Variants in MYH15 observed in about 807,000 individuals in gnomAD.
MYH15 encodes the protein myosin heavy chain 15, also known as myosin-15.
A neutral mutation model predicts 240.5 loss-of-function variants in MYH15; 227 were observed. The ratio of observed to expected loss-of-function variants is 0.94; its 90% CI spans 0.85 to 1.05. The LOEUF is 1.05. Ranked by LOEUF, MYH15 falls within the 50% of genes least tolerant of loss-of-function variation. The pLI, the probability that MYH15 is intolerant of heterozygous loss-of-function variation, is 0.00. For synonymous variants in MYH15, 785 were observed against 796.7 expected, an observed-to-expected ratio of 0.99 and a Z score of 0.25; for missense variants, 2,217 against 2,247.5, an observed-to-expected ratio of 0.99 and a Z score of 0.27.
chr3:108,523,431 T>G (rs2107270037), intron 1 of MYH15, among the ~76,000 whole-genome samples: 1 of 152,096 alleles, frequency 6.6e-6, no homozygotes, highest in East Asian at 1.9e-4. Context: ...AATTATTATT[T>G]GTCGAATAAA....
intron 12 of MYH15, among the ~76,000 whole-genome samples, chr3:108,472,659 G>C (rs1449802960): frequency 6.6e-6 from 1 of 152,150 alleles, no homozygotes; most frequent in Non-Finnish European, 1.5e-5. Context: ...CTAAATACTT[G>C]AGAAGTGGGA....
At chr3:108,460,706 T>C (rs2083064859) in intron 16 of MYH15, among the ~76,000 whole-genome samples, 1 of 152,198 alleles carries the variant, frequency 6.6e-6, no homozygotes, top group Non-Finnish European at 1.5e-5. Flanking sequence ...TGTAAGCTTT[T>C]AAAATGATGA....
At chr3:108,499,386 T>C in intron 5 of MYH15, 69 bp downstream of exon 5, 4 of 1,472,830 alleles carry the variant, frequency 2.7e-6, no homozygotes, top group Non-Finnish European at 3.8e-6. Flanking sequence ...TTATTCCCAG[T>C]GAAATGGAGG....
At chr3:108,418,665 C>T (rs376282639) in intron 28 of MYH15, among the ~76,000 whole-genome samples, 4 of 148,802 alleles carry the variant, frequency 2.7e-5, no homozygotes, top group East Asian at 3.9e-4. Flanking sequence ...GAGTTTTACT[C>T]TTGTTGCCCA....
chr3:108,404,394 T>C (rs1488497556), intron 33 of MYH15, among the ~76,000 whole-genome samples: 3 of 152,198 alleles, frequency 2.0e-5, no homozygotes, highest in African/African-American at 7.2e-5. Flanking sequence ...GCTCAAATGA[T>C]TTTTCTTGCT....
chr3:108,417,800 C>T (rs141498929), intron 28 of MYH15, among the ~76,000 whole-genome samples: 46,590 of 104,840 alleles, frequency 0.44, 8,063 homozygotes, highest in Non-Finnish European at 0.5. Flanking sequence ...TATATATACA[C>T]ACACACACAC....
chr3:108,505,536 C>T (rs941198830), intron 2 of MYH15, among the ~76,000 whole-genome samples, 187 bp downstream of exon 2: 3 of 152,142 alleles, frequency 2.0e-5, no homozygotes, highest in African/African-American at 7.2e-5. Flanking sequence ...TCCCAAAATG[C>T]TGAGATTACA....
At chr3:108,436,464 G>A (rs2082837528) in intron 25 of MYH15, among the ~76,000 whole-genome samples, 1 of 152,152 alleles carries the variant, frequency 6.6e-6, no homozygotes, top group African/African-American at 2.4e-5. Context: ...CAACAAGAAA[G>A]CCAGATGCTC....
chr3:108,462,739 G>A (rs1227506398), intron 16 of MYH15, among the ~76,000 whole-genome samples: 2 of 152,050 alleles, frequency 1.3e-5, no homozygotes, highest in Non-Finnish European at 2.9e-5. Context: ...AGAGTGCTGT[G>A]AAAGAGAATA....
chr3:108,499,359 G>T, intron 5 of MYH15, 96 bp downstream of exon 5: 1 of 1,262,064 alleles, frequency 7.9e-7, no homozygotes, highest in Non-Finnish European at 1.1e-6. Context: ...TTAATTCAAA[G>T]ATGGCGAATC....
Position 108,405,384 on chromosome 3 carries a change from G to C in MYH15, c.4690C>G (p.Leu1564Val). The change falls in exon 33 of 41, where the codon CTT becomes GTT. Residue 1564 changes from leucine to valine, a missense_variant. Coordinates refer to ENST00000693548, the MANE Select transcript of MYH15 (RefSeq NM_014981.3). ...QLELLEAKAE[L>V]ERKLSEKDEE... ...TCTTTCTCTGAAAGCTTTCTTTCAA[G>C]TTCTGCTTTAGCTTCCAAGAGTTCA... 6.6e-7 allele frequency: 1 copy of C among 1,517,602 alleles called. No homozygotes were observed. The highest frequency in any genetic ancestry group is 8.9e-7 in the Non-Finnish European group (1 of 1,118,088). The allele number at this position is 1,517,602 out of a possible 1,614,324, so 94.0% of individuals were successfully genotyped here. A position where few individuals can be genotyped will look rare whatever the true frequency, so the allele number is the denominator to read the frequency against.
At chr3:108,438,651 T>A (rs1458409858) in intron 24 of MYH15, among the ~76,000 whole-genome samples, 1 of 152,178 alleles carries the variant, frequency 6.6e-6, no homozygotes, top group Non-Finnish European at 1.5e-5. Context: ...AGCTCCCTTG[T>A]TCCTTGTGTG....
intron 22 of MYH15, 66 bp downstream of exon 22, chr3:108,444,574 C>T (rs2082911326): frequency 1.3e-6 from 2 of 1,560,592 alleles, no homozygotes; most frequent in East Asian, 4.5e-5. Context: ...CGTGTCAACA[C>T]TGCCTGCTTA....
At chr3:108,499,627 C>A in intron 4 of MYH15, 145 bp from the exon 5 acceptor site, 1 of 778,214 alleles carries the variant, frequency 1.3e-6, no homozygotes, top group East Asian at 2.7e-5. Flanking sequence ...AAAACATACC[C>A]CTCAAATGGT....
the MYH15 span, among the ~76,000 whole-genome samples, chr3:108,540,009 T>C: frequency 3.3e-5 from 5 of 152,178 alleles, no homozygotes; most frequent in Admixed American, 6.6e-5. Flanking sequence ...CAAAATAAAA[T>C]GTATCTCACT....
intron 28 of MYH15, among the ~76,000 whole-genome samples, 172 bp downstream of exon 28, chr3:108,420,916 C>A (rs1212686477): frequency 6.6e-6 from 1 of 152,090 alleles, no homozygotes; most frequent in Non-Finnish European, 1.5e-5. Flanking sequence ...AGAGGTAACA[C>A]TTCCTAGACA....
chr3:108,529,803 C>A (rs1322922689), upstream of MYH15, among the ~76,000 whole-genome samples: 1 of 152,268 alleles, frequency 6.6e-6, no homozygotes, highest in South Asian at 2.1e-4. Flanking sequence ...CAAGACATAA[C>A]ACAGGGAGTT....
chr3:108,408,254 C>G, intron 32 of MYH15, 26 bp downstream of exon 32: 2 of 1,596,230 alleles, frequency 1.3e-6, no homozygotes, highest in Non-Finnish European at 1.7e-6. Context: ...ACAGTGAAAA[C>G]TTTCTTTTCT....
chr3:108,470,652 C>T, intron 13 of MYH15, 46 bp downstream of exon 13: 1 of 1,594,748 alleles, frequency 6.3e-7, no homozygotes, highest in Non-Finnish European at 8.6e-7. Context: ...GTTTTCTAAT[C>T]TTCTTATAAA....
Sources: allele counts gnomAD v4.1 joint callset (sites outside exome capture counted in the v4.1 genomes callset), GRCh38; gene constraint gnomAD v4.1.1; transcripts MANE v1.5; gene names NCBI Gene and HGNC (gene_info 2026-07-23, HGNC 2026-07-21).